The following TM2D1 variants were observed in gnomAD, a reference collection of about 807,000 sequenced individuals.
TM2D1 encodes the protein TM2 domain containing 1.
TM2D1 carries 15 observed loss-of-function variants against 28.4 expected under a neutral mutation model. That is an observed-to-expected ratio of 0.53 (90% CI 0.35 to 0.81). The LOEUF is 0.81. Among genes scored for constraint, TM2D1 ranks in the 40% least tolerant of loss-of-function variants. The pLI, the probability that TM2D1 is intolerant of heterozygous loss-of-function variation, is 0.01. For missense variants in TM2D1, 236 were observed against 254.9 expected, an observed-to-expected ratio of 0.93 and a Z score of 0.50; for synonymous variants, 93 against 96.2, an observed-to-expected ratio of 0.97 and a Z score of 0.20.
chr1:61,708,937 G>A (rs535224164), intron 3 of TM2D1, among the ~76,000 whole-genome samples: 2 of 152,180 alleles, frequency 1.3e-5, no homozygotes, highest in Non-Finnish European at 2.9e-5. Context: ...GGCCGAGATG[G>A]GAGAATCATG....
intron 2 of TM2D1, among the ~76,000 whole-genome samples, chr1:61,712,321 T>G (rs1644484554): frequency 6.6e-6 from 1 of 152,202 alleles, no homozygotes; most frequent in Admixed American, 6.6e-5. Flanking sequence ...AATTAAATTT[T>G]TATAAACTAT....
At chr1:61,719,347 A>G (rs1644543942) in intron 2 of TM2D1, among the ~76,000 whole-genome samples, 2 of 151,582 alleles carry the variant, frequency 1.3e-5, no homozygotes, top group African/African-American at 2.4e-5. Context: ...ACCACATCTG[A>G]CCTGGAACAT....
chr1:61,724,337 G>T (rs1392393264), intron 1 of TM2D1: 1 of 152,588 alleles, frequency 6.6e-6, no homozygotes, highest in East Asian at 1.9e-4. Context: ...GGAGGCTGAG[G>T]CAGGAGAATT....
intron 5 of TM2D1, among the ~76,000 whole-genome samples, chr1:61,689,117 C>T (rs975894166): frequency 3.9e-5 from 6 of 152,178 alleles, no homozygotes; most frequent in Non-Finnish European, 8.8e-5. Flanking sequence ...TACCACCTTT[C>T]CAGCATTGGT....
chr1:61,706,567 G>A (rs534873597), intron 3 of TM2D1, among the ~76,000 whole-genome samples: 48 of 151,972 alleles, frequency 3.2e-4, no homozygotes, highest in African/African-American at 1.1e-3. Context: ...CCAGCACTTT[G>A]GGAGGCCAAA....
Position 61,709,394 on chromosome 1 carries a change from A to G in TM2D1, c.282T>C (p.Ser94=). 6.2e-7 allele frequency: 1 copy of G among 1,613,606 alleles called. No homozygotes were observed. The highest frequency in any genetic ancestry group is 1.7e-5 in the Admixed American group (1 of 59,996). ...TCCCAGTAAAATGTGTTTCATTGCC[A>G]CTGGAATCCTTACAAGTTATGTTGG... ...PAPNITCKDS[S]GNETHFTGNE... Residue 94 remains serine (S), a synonymous_variant, in exon 3 of 7, where the codon AGT becomes AGC. Transcript: ENST00000606498.
chr1:61,720,236 C>G (rs534579504), intron 2 of TM2D1, among the ~76,000 whole-genome samples: 1 of 151,796 alleles, frequency 6.6e-6, no homozygotes, highest in East Asian at 1.9e-4. Flanking sequence ...CCAGACAGGA[C>G]ACTTCTTTTT....
chr1:61,697,723 C>T (rs1644374084), intron 4 of TM2D1: 1 of 152,168 alleles, frequency 6.6e-6, no homozygotes, highest in African/African-American at 2.4e-5. Context: ...GTAATTTCTA[C>T]TTCTTGTCTC....
intron 5 of TM2D1, among the ~76,000 whole-genome samples, chr1:61,688,205 C>T (rs1446471921): frequency 1.3e-5 from 2 of 152,076 alleles, no homozygotes; most frequent in Admixed American, 6.6e-5. Flanking sequence ...CGTCTCAGAA[C>T]CAGTTTAAGA....
intron 2 of TM2D1, among the ~76,000 whole-genome samples, chr1:61,710,342 C>T: frequency 6.7e-6 from 1 of 149,054 alleles, no homozygotes; most frequent in East Asian, 2.0e-4. Context: ...GAGAGGATCA[C>T]TTGGGCCTGA....
intron 2 of TM2D1, among the ~76,000 whole-genome samples, chr1:61,720,270 C>T (rs975823314): frequency 6.6e-6 from 1 of 151,530 alleles, no homozygotes; most frequent in Admixed American, 6.6e-5. Flanking sequence ...TAGACAGAGT[C>T]TGGCTCTGTC....
At chr1:61,702,416 T>G (rs1644408630) in intron 3 of TM2D1, among the ~76,000 whole-genome samples, 1 of 151,232 alleles carries the variant, frequency 6.6e-6, no homozygotes, top group Non-Finnish European at 1.5e-5. Flanking sequence ...TTGCCCAGGC[T>G]GGAGTGCAGT....
At chr1:61,713,491 A>C in intron 2 of TM2D1, among the ~76,000 whole-genome samples, 1 of 132,292 alleles carries the variant, frequency 7.6e-6, no homozygotes, top group South Asian at 2.1e-4. Flanking sequence ...TCAAAAACAA[A>C]AAAAAAAAAA....
chr1:61,691,338 A>T (rs1044993479), intron 5 of TM2D1, among the ~76,000 whole-genome samples: 4 of 151,808 alleles, frequency 2.6e-5, no homozygotes, highest in African/African-American at 9.7e-5. Context: ...TCTACTAAAA[A>T]TACAAAATTA....
chr1:61,682,190 A>C (rs934063318), intron 6 of TM2D1, among the ~76,000 whole-genome samples: 1 of 152,170 alleles, frequency 6.6e-6, no homozygotes, highest in South Asian at 2.1e-4. Flanking sequence ...ACAAATGTCT[A>C]TTCTCTTGCT....
chr1:61,719,550 T>A (rs184200187), intron 2 of TM2D1, among the ~76,000 whole-genome samples: 3 of 152,146 alleles, frequency 2.0e-5, no homozygotes, highest in Admixed American at 1.3e-4. Flanking sequence ...TAGAGTGCAG[T>A]GGCGCAATCT....
chr1:61,686,166 A>G (rs1382671073), intron 5 of TM2D1, among the ~76,000 whole-genome samples: 1 of 152,220 alleles, frequency 6.6e-6, no homozygotes, highest in Non-Finnish European at 1.5e-5. Flanking sequence ...GAATAGAATA[A>G]GCTGATCTGT....
chr1:61,714,661 C>T (rs2148063018), intron 2 of TM2D1, among the ~76,000 whole-genome samples: 1 of 152,248 alleles, frequency 6.6e-6, no homozygotes, highest in African/African-American at 2.4e-5. Context: ...CTTAAGAGAC[C>T]CTCCCGCCTC....
chr1:61,706,625 A>G (rs1247318664), intron 3 of TM2D1, among the ~76,000 whole-genome samples: 1 of 151,062 alleles, frequency 6.6e-6, no homozygotes, highest in East Asian at 2.0e-4. Flanking sequence ...CCTGACAAAC[A>G]TGGAGAAACC....
Sources: gnomAD v4.1 joint callset for allele counts (sites outside exome capture counted in the v4.1 genomes callset) on GRCh38, gnomAD v4.1.1 for gene constraint, MANE v1.5 for transcripts, NCBI Gene and HGNC (gene_info 2026-07-23, HGNC 2026-07-21) for gene names.